FAM107B: variants seen among roughly 807,000 people sequenced by gnomAD.
FAM107B encodes protein FAM107B.
Under a neutral mutation model 31.5 loss-of-function variants are expected in FAM107B, and 21 were observed. That is an observed-to-expected ratio of 0.67 (90% CI 0.47 to 0.96). FAM107B has a LOEUF of 0.96. FAM107B is among the 40% of genes least tolerant of loss of function. The probability of loss-of-function intolerance (pLI) is 0.00; values close to 1 mark genes in which losing one functional copy is unlikely to be tolerated. For missense variants in FAM107B, 452 were observed against 377.1 expected (o/e 1.20, Z -1.64); for synonymous variants, 157 against 141.5 (o/e 1.11, Z -0.78).
chr10:14,574,465 G>A (rs1851402482), intron 2 of FAM107B, among the ~76,000 whole-genome samples: 1 of 152,196 alleles, frequency 6.6e-6, no homozygotes, highest in Non-Finnish European at 1.5e-5. Context: ...CACTTGCAGA[G>A]TTCCTGCCAA....
chr10:14,642,755 C>A (rs577408228), intron 2 of FAM107B, among the ~76,000 whole-genome samples: 2 of 152,332 alleles, frequency 1.3e-5, no homozygotes, highest in African/African-American at 2.4e-5. Context: ...GCCACTCCTT[C>A]AACACTTTGC....
At chr10:14,747,316 T>C (rs1200701433) in intron 1 of FAM107B, among the ~76,000 whole-genome samples, 1 of 152,224 alleles carries the variant, frequency 6.6e-6, no homozygotes, top group African/African-American at 2.4e-5. Flanking sequence ...TCTCAGCCTC[T>C]GCCCAGTTCT....
At chr10:14,605,435 T>C (rs927030800) in intron 2 of FAM107B, among the ~76,000 whole-genome samples, 1 of 152,232 alleles carries the variant, frequency 6.6e-6, no homozygotes, top group Non-Finnish European at 1.5e-5. Flanking sequence ...GCTTTTTAAC[T>C]GTCTTGGCAA....
chr10:14,713,958 T>G (rs565089917), intron 1 of FAM107B, among the ~76,000 whole-genome samples: 2 of 152,094 alleles, frequency 1.3e-5, no homozygotes, highest in Non-Finnish European at 1.5e-5. Flanking sequence ...TGTTCTTACT[T>G]ACAAGTCAGA....
intron 1 of FAM107B, among the ~76,000 whole-genome samples, chr10:14,716,489 A>G (rs1855782123): frequency 6.6e-6 from 1 of 152,220 alleles, no homozygotes; most frequent in Non-Finnish European, 1.5e-5. Context: ...AGAGGGTGCA[A>G]GGAGAAGGTC....
At chr10:14,739,331 T>G (rs2601749) in intron 1 of FAM107B, among the ~76,000 whole-genome samples, 2 of 152,134 alleles carry the variant, frequency 1.3e-5, no homozygotes, top group African/African-American at 4.8e-5. Context: ...GAAATTGGAA[T>G]GATCCAGAAA....
At chr10:14,567,315 G>A (rs575745188) in intron 2 of FAM107B, among the ~76,000 whole-genome samples, 1 of 152,278 alleles carries the variant, frequency 6.6e-6, no homozygotes, top group Admixed American at 6.5e-5. Context: ...AAGGGGCAGT[G>A]GGAAGGTCAG....
chr10:14,713,687 C>T (rs1427875793), intron 1 of FAM107B, among the ~76,000 whole-genome samples: 1 of 152,010 alleles, frequency 6.6e-6, no homozygotes, highest in Admixed American at 6.6e-5. Context: ...TCATTTGAAA[C>T]AAAGCCACAT....
intron 2 of FAM107B, among the ~76,000 whole-genome samples, chr10:14,588,723 C>G (rs1396696260): frequency 6.6e-6 from 1 of 152,188 alleles, no homozygotes; most frequent in African/African-American, 2.4e-5. Flanking sequence ...ACCCCACACA[C>G]GCTGTCTCCC....
intron 1 of FAM107B, among the ~76,000 whole-genome samples, chr10:14,732,205 A>G (rs1328025833): frequency 6.6e-6 from 1 of 152,226 alleles, no homozygotes. Flanking sequence ...TACAACGGCT[A>G]TCTCTCTGCA....
intron 2 of FAM107B, among the ~76,000 whole-genome samples, chr10:14,659,168 C>T (rs566190693): frequency 6.6e-5 from 10 of 151,470 alleles, no homozygotes; most frequent in Admixed American, 2.6e-4. Context: ...TGGCTGGGCA[C>T]GGTGGCTCAC....
chr10:14,592,876 C>T (rs1323931060), intron 2 of FAM107B, among the ~76,000 whole-genome samples: 1 of 152,226 alleles, frequency 6.6e-6, no homozygotes, highest in Non-Finnish European at 1.5e-5. Flanking sequence ...AAGATAACAG[C>T]TTCTTCACTG....
At position 14,589,074 on chromosome 10, in the gene FAM107B, T is replaced by C. The variant is rs972545116; in HGVS notation, c.470-58559A>G. Among the ~76,000 whole-genome samples the C allele has an allele frequency of 3.3e-5, 5 of 149,816 alleles. No homozygotes were observed. In the East Asian group the frequency reaches 7.8e-4, roughly 23 times the overall value. On this transcript the variant is annotated intron_variant, in intron 2 of 4. Transcript: ENST00000181796. ...GTGCATGCCGGTGGTCTCAGCTACT[T>C]GGGAGGCTGAGGCAGGAGAATCACT... is the stretch of plus-strand genomic sequence containing the variant.
At chr10:14,547,389 C>A (rs776002172) in intron 2 of FAM107B, among the ~76,000 whole-genome samples, 1 of 152,126 alleles carries the variant, frequency 6.6e-6, no homozygotes, top group Non-Finnish European at 1.5e-5. Flanking sequence ...AGTTTTTCAT[C>A]TCAAATCTCC....
chr10:14,546,148 G>A (rs1396344501), intron 2 of FAM107B, among the ~76,000 whole-genome samples: 1 of 152,216 alleles, frequency 6.6e-6, no homozygotes, highest in Admixed American at 6.5e-5. Flanking sequence ...GAGACCAGGT[G>A]TTCAACTTCC....
At chr10:14,542,700 A>C (rs377546651) in intron 2 of FAM107B, 1 of 152,248 alleles carries the variant, frequency 6.6e-6, no homozygotes, top group Admixed American at 6.5e-5. Flanking sequence ...AGAAATAGTA[A>C]GACATAATCT....
intron 2 of FAM107B, among the ~76,000 whole-genome samples, chr10:14,576,908 T>C (rs1040367392): frequency 3.3e-5 from 5 of 152,232 alleles, no homozygotes; most frequent in African/African-American, 1.2e-4. Context: ...TTGGGATCAG[T>C]AATGTGTTGC....
intron 3 of FAM107B, chr10:14,529,777 G>T (rs1292124896): frequency 1.3e-5 from 2 of 152,086 alleles, no homozygotes; most frequent in Admixed American, 1.3e-4. Flanking sequence ...GTAGATAGAA[G>T]GTAAATGCTT....
intron 1 of FAM107B, among the ~76,000 whole-genome samples, chr10:14,720,888 A>G (rs1020989660): frequency 2.6e-5 from 4 of 152,084 alleles, no homozygotes; most frequent in Admixed American, 6.5e-5. Context: ...GTACAAGTGC[A>G]CAATGTGCAG....
Sources: allele counts gnomAD v4.1 joint callset (sites outside exome capture counted in the v4.1 genomes callset), GRCh38; gene constraint gnomAD v4.1.1; transcripts MANE v1.5; gene names NCBI Gene and HGNC (gene_info 2026-07-23, HGNC 2026-07-21).